MRRF: variants seen among roughly 807,000 people sequenced by gnomAD.
MRRF encodes ribosome-recycling factor, mitochondrial.
MRRF carries 18 observed loss-of-function variants against 25.1 expected under a neutral mutation model. That is an observed-to-expected ratio of 0.72 (90% CI 0.50 to 1.06). MRRF has a LOEUF of 1.06. Ranked by LOEUF, MRRF falls within the 50% of genes least tolerant of loss-of-function variation. The probability of loss-of-function intolerance (pLI) is 0.00; values close to 1 mark genes in which losing one functional copy is unlikely to be tolerated. For missense variants in MRRF, 323 were observed against 319.3 expected, an observed-to-expected ratio of 1.01 and a Z score of -0.09; for synonymous variants, 113 against 112.1, an observed-to-expected ratio of 1.01 and a Z score of -0.05.
Position 122,322,554 on chromosome 9 carries a change from C to T in MRRF, c.726C>T (p.Ala242=), listed in dbSNP as rs1835953123. Residue 242 remains alanine, a synonymous_variant, in exon 7 of 7, where the codon GCC becomes GCT. Transcript: ENST00000344641. The part of the protein sequence containing the change: ...RLIEKQISQM[A]DDTVAELDRH... ...TGTTCTTGCAGATCAGCCAAATGGCCGATGACACAGTGGCAGAACTGGACA... is the reference window on the plus strand; with the variant it reads ...TGTTCTTGCAGATCAGCCAAATGGCTGATGACACAGTGGCAGAACTGGACA... 12 of 1,613,938 alleles carry T rather than the reference C, an allele frequency of 7.4e-6. No homozygotes were observed. Among genetic ancestry groups the T allele is most frequent in the East Asian group, 6.7e-5 (3 of 44,888 alleles).
chr9:122,273,260 G>C (rs994463647), intron 2 of MRRF, among the ~76,000 whole-genome samples: 6 of 151,992 alleles, frequency 3.9e-5, no homozygotes, highest in African/African-American at 1.5e-4. Flanking sequence ...CGACCAGCCT[G>C]GGCAACATGG....
chr9:122,265,259 C>G (rs1038047225), intron 1 of MRRF, among the ~76,000 whole-genome samples: 1 of 152,102 alleles, frequency 6.6e-6, no homozygotes, highest in Non-Finnish European at 1.5e-5. Context: ...AATGAAGAAA[C>G]GGAAGCTCAC....
Position 122,331,251 on chromosome 9 carries a change from AGT to A in MRRF, c.*8637_*8638del, listed in dbSNP as rs1836274474. ...GTAATGTAGCAAATGTTTTTATAAA[AGT>A]GTTAATTTAAATTAACGGACTATTA... is the stretch of plus-strand genomic sequence containing the variant. On this transcript the variant is annotated 3_prime_UTR_variant, in exon 7 of 7. Coordinates refer to ENST00000344641, the MANE Select transcript of MRRF (RefSeq NM_138777.5). 2 of 152,220 alleles carry A rather than the reference AGT, an allele frequency of 1.3e-5. No homozygotes were observed. Among genetic ancestry groups the A allele is most frequent in the African/African-American group, 4.8e-5 (2 of 41,448 alleles). 9.4% of individuals were successfully genotyped at this position (152,220 alleles called of 1,614,324 possible).
chr9:122,324,826 G>A lies in MRRF; in HGVS notation c.*2209G>A, dbSNP rs1836077508. 1 of 152,178 alleles carries A rather than the reference G, an allele frequency of 6.6e-6. No individual in the cohort carries two copies. Among genetic ancestry groups the A allele is most frequent in the African/African-American group, 2.4e-5 (1 of 41,434 alleles). 9.4% of individuals were successfully genotyped at this position (152,178 alleles called of 1,614,324 possible). A position where few individuals can be genotyped will look rare whatever the true frequency, so the allele number is the denominator to read the frequency against. ...AGTGAGGATTCAAGGTCAAAATTGG[G>A]TCAAAGTTAAACTAACACAGTCTCC... On this transcript the variant is annotated 3_prime_UTR_variant, in exon 7 of 7. Transcript: ENST00000344641.
At position 122,291,786 on chromosome 9, in the gene MRRF, G is replaced by A. The variant is rs1833788908; in HGVS notation, c.497G>A (p.Gly166Glu). 1.2e-6 allele frequency: 2 copies of A among 1,613,998 alleles called. No individual in the cohort carries two copies. ...GCTATCAAGGCTATAAGAGAAAGTG[G>A]AATGAATCTGAACCCAGAAGTGGAA... is the stretch of plus-strand genomic sequence containing the variant. ...AAAIKAIRES[G>E]MNLNPEVEGT... is the part of the protein sequence containing the mutation. The change falls in exon 5 of 7, where the codon GGA (glycine) becomes GAA (glutamate). Residue 166 changes from glycine (G) to glutamate (E), a missense_variant. By Grantham distance (98) the Gly-to-Glu change is moderately conservative. Coordinates refer to ENST00000344641, the MANE Select transcript of MRRF (RefSeq NM_138777.5).
intron 4 of MRRF, 42 bp from the exon 5 acceptor site, chr9:122,291,707 A>G (rs374557264): frequency 1.4e-6 from 2 of 1,401,584 alleles, no homozygotes; most frequent in Non-Finnish European, 2.0e-6. Context: ...ATCTGGTAAT[A>G]ATTATTTACT....
At chr9:122,320,037 GCTAA>G (rs935804890) in intron 6 of MRRF, among the ~76,000 whole-genome samples, 1 of 151,842 alleles carries the variant, frequency 6.6e-6, no homozygotes, top group Non-Finnish European at 1.5e-5. Flanking sequence ...ACCATGCCTG[GCTAA>G]CTTTTTGTGT....
chr9:122,315,191 C>T (rs1835436270), intron 6 of MRRF, among the ~76,000 whole-genome samples: 1 of 152,034 alleles, frequency 6.6e-6, no homozygotes, highest in South Asian at 2.1e-4. Context: ...TTTATTAATT[C>T]ATTTTTCTTG....
intron 5 of MRRF, among the ~76,000 whole-genome samples, chr9:122,295,145 A>G (rs1834008973): frequency 6.6e-6 from 1 of 152,232 alleles, no homozygotes; most frequent in South Asian, 2.1e-4. Context: ...GATAATTTAC[A>G]GGACTTGCCA....
At chr9:122,265,453 G>A (rs1476724658) in intron 1 of MRRF, 1 of 318,042 alleles carries the variant, frequency 3.1e-6, no homozygotes, top group East Asian at 8.3e-5. Context: ...TGTCATTTAC[G>A]TTTTACAGAT....
chr9:122,286,302 G>A (rs1833403848), intron 4 of MRRF: 2 of 883,992 alleles, frequency 2.3e-6, no homozygotes, highest in African/African-American at 1.8e-5. Context: ...TGAACACACT[G>A]TTTCAAATCA....
At chr9:122,314,089 T>G (rs1342696400) in intron 6 of MRRF, among the ~76,000 whole-genome samples, 3 of 152,166 alleles carry the variant, frequency 2.0e-5, no homozygotes, top group Non-Finnish European at 4.4e-5. Context: ...TGGCTGTGCA[T>G]CTATATTAGT....
chr9:122,316,475 T>C (rs1186038005), intron 6 of MRRF, among the ~76,000 whole-genome samples: 1 of 152,126 alleles, frequency 6.6e-6, no homozygotes, highest in Non-Finnish European at 1.5e-5. Context: ...CAGCTAAATG[T>C]TTATTCTTAA....
At chr9:122,284,579 C>G (rs1833268459) in intron 3 of MRRF, among the ~76,000 whole-genome samples, 1 of 152,158 alleles carries the variant, frequency 6.6e-6, no homozygotes, top group South Asian at 2.1e-4. Context: ...TCAGCTGTTT[C>G]CAGTTTTAGT....
chr9:122,314,675 G>A (rs1244603806), intron 6 of MRRF, among the ~76,000 whole-genome samples: 2 of 152,100 alleles, frequency 1.3e-5, no homozygotes. Context: ...ATGATGGAGA[G>A]AGCACATCTA....
intron 6 of MRRF, among the ~76,000 whole-genome samples, chr9:122,319,344 G>A (rs917288023): frequency 5.9e-5 from 9 of 151,906 alleles, no homozygotes; most frequent in African/African-American, 1.9e-4. Context: ...TAGAGACGGG[G>A]TTTCTCCGTG....
rs1364718785 is a variant in MRRF, at chr9:122,327,215, T to A, written c.*4598T>A. The A allele has an allele frequency of 1.3e-5, 2 of 152,206 alleles. No individual in the cohort carries two copies. Among genetic ancestry groups the A allele is most frequent in the African/African-American group, 4.8e-5 (2 of 41,446 alleles). The allele number at this position is 152,206 out of a possible 1,614,324, so 9.4% of individuals were successfully genotyped here. A position where few individuals can be genotyped will look rare whatever the true frequency, so the allele number is the denominator to read the frequency against. On this transcript the variant is annotated 3_prime_UTR_variant, in exon 7 of 7. Transcript: ENST00000344641. ...CTGTTTGGCCAACTTCTCTAGAATA[T>A]GTCAGAGAGCAAGCAAAATGTTCAC...
rs2119043893 is a variant in MRRF, at chr9:122,326,632, GTTTAAAGATGATTTTTTTT to G, written c.*4021_*4039del. ...AATTATTTCACATGCATTGGAGAATGTTTAAAGATGATTTTTTTTTTTAAGAAAAAAGAAAGGCCCCTAT... is the reference window on the plus strand; with the variant it reads ...AATTATTTCACATGCATTGGAGAATGTTTAAGAAAAAAGAAAGGCCCCTAT... On this transcript the variant is annotated 3_prime_UTR_variant, in exon 7 of 7. Transcript: ENST00000344641. 1 of 151,858 alleles carries G rather than the reference GTTTAAAGATGATTTTTTTT, an allele frequency of 6.6e-6. No homozygotes were observed. Among genetic ancestry groups the G allele is most frequent in the Non-Finnish European group, 1.5e-5 (1 of 67,934 alleles). 9.4% of individuals were successfully genotyped at this position (151,858 alleles called of 1,614,324 possible).
At chr9:122,312,461 A>G (rs542162677) in intron 5 of MRRF, among the ~76,000 whole-genome samples, 1 of 152,348 alleles carries the variant, frequency 6.6e-6, no homozygotes, top group East Asian at 1.9e-4. Context: ...GGTAGATGTT[A>G]CTAAATCTTT....
Sources: gnomAD v4.1 joint callset for allele counts (sites outside exome capture counted in the v4.1 genomes callset) on GRCh38, gnomAD v4.1.1 for gene constraint, MANE v1.5 for transcripts, NCBI Gene and HGNC (gene_info 2026-07-23, HGNC 2026-07-21) for gene names.